SGF29: variants seen among roughly 807,000 people sequenced by gnomAD.
SGF29 encodes SAGA-associated factor 29.
SGF29 carries 15 observed loss-of-function variants against 38.1 expected under a neutral mutation model. That is an observed-to-expected ratio of 0.39 (90% CI 0.26 to 0.61). The LOEUF (loss-of-function observed/expected upper bound fraction) is 0.61, where lower values mean the gene tolerates loss of function less well. SGF29 is among the 20% of genes least tolerant of loss of function. The pLI, the probability that SGF29 is intolerant of heterozygous loss-of-function variation, is 0.49. For missense variants in SGF29, 184 were observed against 394.6 expected (o/e 0.47, Z 4.52); for synonymous variants, 151 against 160.8 (o/e 0.94, Z 0.46).
At chr16:28,557,255 A>G (rs909174258) in intron 1 of SGF29, among the ~76,000 whole-genome samples, 2 of 152,210 alleles carry the variant, frequency 1.3e-5, no homozygotes, top group African/African-American at 4.8e-5. Context: ...TTATTAGTCA[A>G]GCTACTCAGT....
chr16:28,572,409 CAG>C (rs1292411854), intron 1 of SGF29, among the ~76,000 whole-genome samples: 3 of 152,224 alleles, frequency 2.0e-5, no homozygotes, highest in Non-Finnish European at 4.4e-5. Flanking sequence ...GCTGGGATTA[CAG>C]GCACCGGCCA....
At chr16:28,586,376 T>G (rs1230693851) in intron 4 of SGF29, among the ~76,000 whole-genome samples, 1 of 151,732 alleles carries the variant, frequency 6.6e-6, no homozygotes, top group Non-Finnish European at 1.5e-5. Context: ...CTATATCTAC[T>G]AAAAATACAA....
Position 28,590,705 on chromosome 16 carries a change from G to A in SGF29, c.602+39G>A. The A allele has an allele frequency of 6.2e-7, 1 of 1,614,112 alleles. No homozygotes were observed. On this transcript the variant is annotated intron_variant, in intron 8 of 9. Transcript: ENST00000317058. The surrounding 1 kb of genome is among the most constrained non-coding windows in gnomAD (Gnocchi z 8.2). ...CCAGGGCAGGGCATGGAGCCTGGGG[G>A]CAGCCTAACAGCTGAGAAGGAGCAT...
At chr16:28,554,483 A>G (rs1213328199) in intron 1 of SGF29, among the ~76,000 whole-genome samples, 1 of 152,154 alleles carries the variant, frequency 6.6e-6, no homozygotes, top group Non-Finnish European at 1.5e-5. Flanking sequence ...TTTGCACAAA[A>G]ATTTTGTATA....
At chr16:28,583,082 G>A (rs1024922107) in intron 2 of SGF29, among the ~76,000 whole-genome samples, 10 of 152,188 alleles carry the variant, frequency 6.6e-5, no homozygotes, top group African/African-American at 9.7e-5. Context: ...CATCTCACCC[G>A]TCAGCTTCCA....
At chr16:28,570,420 G>A (rs1043067914) in intron 1 of SGF29, among the ~76,000 whole-genome samples, 5 of 152,046 alleles carry the variant, frequency 3.3e-5, no homozygotes, top group East Asian at 3.8e-4. Flanking sequence ...CTGTCCCACC[G>A]TTGTATTTTA....
intron 2 of SGF29, 87 bp from the exon 3 acceptor site, chr16:28,584,826 T>A (rs2151652385): frequency 1.2e-6 from 1 of 848,078 alleles, no homozygotes; most frequent in Non-Finnish European, 1.9e-6. Flanking sequence ...GGGCCGTATT[T>A]TGGGGATGGG....
chr16:28,564,624 C>CGT (rs2046816579), intron 1 of SGF29, among the ~76,000 whole-genome samples: 1 of 98,758 alleles, frequency 1.0e-5, no homozygotes, highest in Non-Finnish European at 2.1e-5. Flanking sequence ...TACATATATG[C>CGT]ATATATATAC....
chr16:28,567,044 C>G (rs1201975851), intron 1 of SGF29, among the ~76,000 whole-genome samples: 1 of 152,158 alleles, frequency 6.6e-6, no homozygotes, highest in African/African-American at 2.4e-5. Flanking sequence ...TTTCTGGACA[C>G]ACTGATTTTC....
At position 28,590,730 on chromosome 16, in the gene SGF29, TCCCCA is replaced by T; in HGVS notation, c.603-39_603-35del. The T allele has an allele frequency of 5.0e-6, 8 of 1,613,832 alleles. No individual in the cohort carries two copies. Among genetic ancestry groups the T allele is most frequent in the Non-Finnish European group, 6.8e-6 (8 of 1,179,922 alleles). On this transcript the variant is annotated intron_variant, in intron 8 of 9. Coordinates refer to ENST00000317058, the MANE Select transcript of SGF29 (RefSeq NM_138414.3). The surrounding 1 kb of genome is among the most constrained non-coding windows in gnomAD (Gnocchi z 8.2). ...GCAGCCTAACAGCTGAGAAGGAGCA[TCCCCA>T]CCCGGCCACAGGTTGATATAAGCCC... is the stretch of plus-strand genomic sequence containing the variant.
At chr16:28,562,425 T>TC (rs1219937404) in intron 1 of SGF29, among the ~76,000 whole-genome samples, 3 of 152,174 alleles carry the variant, frequency 2.0e-5, no homozygotes, top group African/African-American at 7.2e-5. Context: ...CCAGTTCCTT[T>TC]CCCTGATGGC....
chr16:28,572,853 C>G (rs149944981), intron 1 of SGF29, among the ~76,000 whole-genome samples: 107 of 152,164 alleles, frequency 7.0e-4, no homozygotes, highest in African/African-American at 2.5e-3. Context: ...ACACAGCCCC[C>G]TCTTCTGTCC....
chr16:28,591,583 C>T lies in SGF29; in HGVS notation c.766-7C>T, dbSNP rs1269990195. Reference sequence around the variant, plus strand: ...TGAGCAGCCCCTCCTGTCTGCCTGCCCCACAGCCCCAGGATGACTACTCGG... The same window carrying T: ...TGAGCAGCCCCTCCTGTCTGCCTGCTCCACAGCCCCAGGATGACTACTCGG... On this transcript the variant is annotated splice_region_variant and splice_polypyrimidine_tract_variant and intron_variant, in intron 9 of 9. Transcript: ENST00000317058. The T allele has an allele frequency of 1.2e-6, 2 of 1,603,288 alleles. No homozygotes were observed. Among genetic ancestry groups the T allele is most frequent in the Non-Finnish European group, 1.7e-6 (2 of 1,170,212 alleles).
At chr16:28,570,306 C>G (rs1172680972) in intron 1 of SGF29, among the ~76,000 whole-genome samples, 1 of 152,220 alleles carries the variant, frequency 6.6e-6, no homozygotes, top group East Asian at 1.9e-4. Flanking sequence ...GTTCAGAAAC[C>G]TTGAGATTGA....
At position 28,590,668 on chromosome 16, in the gene SGF29, T is replaced by C; in HGVS notation, c.602+2T>C. The C allele has an allele frequency of 6.2e-7, 1 of 1,613,796 alleles. No homozygotes were observed. The highest frequency in any genetic ancestry group is 8.5e-7 in the Non-Finnish European group (1 of 1,179,940). ...TGACATCGATGAAGAAGGCAAAGAG[T>C]GAGTGTCCAGGCCAGGGCAGGGCAT... On this transcript the variant is annotated splice_donor_variant, in intron 8 of 9. Transcript: ENST00000317058. LOFTEE classifies it high-confidence loss of function. This position sits in a 1 kb window ranked among gnomAD's most constrained non-coding sequence, Gnocchi z 8.2.
Position 28,581,051 on chromosome 16 carries a change from C to A in SGF29, c.-15-4C>A. On this transcript the variant is annotated splice_region_variant and splice_polypyrimidine_tract_variant and intron_variant, in intron 1 of 9. Transcript: ENST00000317058. ...GTTCTCTTCTGTCCTCGCTCCCCCA[C>A]CAGGTGCCCCTGTAGACAATGGCCC... The A allele has an allele frequency of 6.2e-7, 1 of 1,611,418 alleles. No homozygotes were observed. The highest frequency in any genetic ancestry group is 1.1e-5 in the South Asian group (1 of 90,820).
At chr16:28,578,958 A>C (rs562217732) in intron 1 of SGF29, among the ~76,000 whole-genome samples, 1 of 152,008 alleles carries the variant, frequency 6.6e-6, no homozygotes, top group South Asian at 2.1e-4. Flanking sequence ...TAAATAAATA[A>C]AAAATAAAAA....
At chr16:28,561,309 G>A (rs888698988) in intron 1 of SGF29, among the ~76,000 whole-genome samples, 7 of 152,274 alleles carry the variant, frequency 4.6e-5, no homozygotes, top group African/African-American at 1.4e-4. Context: ...GAGGCAGGCA[G>A]ATCACCTGAG....
chr16:28,561,592 G>A (rs530290785), intron 1 of SGF29, among the ~76,000 whole-genome samples: 3 of 152,158 alleles, frequency 2.0e-5, no homozygotes, highest in Non-Finnish European at 2.9e-5. Flanking sequence ...GAAAAGATGT[G>A]GCCTTCTAAG....
Sources: allele counts gnomAD v4.1 joint callset (sites outside exome capture counted in the v4.1 genomes callset), GRCh38; gene constraint gnomAD v4.1.1; non-coding constraint Gnocchi (gnomAD v3.1); transcripts MANE v1.5; gene names NCBI Gene and HGNC (gene_info 2026-07-23, HGNC 2026-07-21).